TANGO6: variants seen among roughly 807,000 people sequenced by gnomAD.
TANGO6 encodes the protein transport and Golgi organization protein 6 homolog.
TANGO6 carries 90 observed loss-of-function variants against 114.2 expected under a neutral mutation model. That is an observed-to-expected ratio of 0.79 (90% CI 0.66 to 0.94). TANGO6 has a LOEUF of 0.94. Among genes scored for constraint, TANGO6 ranks in the 40% least tolerant of loss-of-function variants. The pLI is 0.00. For missense variants in TANGO6, 1,274 were observed against 1,315.3 expected (o/e 0.97, Z 0.49); for synonymous variants, 477 against 509.8 (o/e 0.94, Z 0.87).
intron 17 of TANGO6, among the ~76,000 whole-genome samples, chr16:69,063,386 G>T (rs1408038549): frequency 1.3e-5 from 2 of 151,992 alleles, no homozygotes; most frequent in Non-Finnish European, 2.9e-5. Context: ...TTAGCCGGGC[G>T]TGATGGCAGG....
intron 14 of TANGO6, among the ~76,000 whole-genome samples, chr16:68,945,118 G>A (rs1198156726): frequency 2.6e-5 from 4 of 152,204 alleles, no homozygotes; most frequent in Admixed American, 6.5e-5. Flanking sequence ...TCCAGCCTGG[G>A]TGACAGGGCG....
chr16:69,028,349 G>A (rs540939679), intron 16 of TANGO6, among the ~76,000 whole-genome samples: 1 of 152,126 alleles, frequency 6.6e-6, no homozygotes, highest in Non-Finnish European at 1.5e-5. Context: ...CACAATTCAG[G>A]CCAGGTGCAG....
chr16:68,888,950 T>C (rs1962575395), intron 7 of TANGO6, among the ~76,000 whole-genome samples: 1 of 152,146 alleles, frequency 6.6e-6, no homozygotes, highest in African/African-American at 2.4e-5. Context: ...TAGCTGGGAT[T>C]ACACCTGGGA....
chr16:68,888,026 T>TC (rs1313521501), intron 7 of TANGO6, among the ~76,000 whole-genome samples: 1 of 152,194 alleles, frequency 6.6e-6, no homozygotes, highest in Non-Finnish European at 1.5e-5. Flanking sequence ...TTCTGATGGC[T>TC]CTGGGGGGCC....
chr16:69,044,663 G>A (rs892770191), intron 17 of TANGO6, among the ~76,000 whole-genome samples: 8 of 152,090 alleles, frequency 5.3e-5, no homozygotes, highest in African/African-American at 1.9e-4. Flanking sequence ...AGATTCCCCA[G>A]TTCTCTCTGC....
intron 14 of TANGO6, among the ~76,000 whole-genome samples, chr16:68,935,290 T>C (rs1963289332): frequency 6.6e-6 from 1 of 152,162 alleles, no homozygotes; most frequent in Admixed American, 6.5e-5. Context: ...GTTTTCCTTT[T>C]TTGAGCTGCC....
chr16:69,043,176 A>G (rs1959798813), intron 17 of TANGO6, among the ~76,000 whole-genome samples: 1 of 152,158 alleles, frequency 6.6e-6, no homozygotes, highest in Non-Finnish European at 1.5e-5. Context: ...CAGTGAGCCA[A>G]GATCGCGCCA....
intron 1 of TANGO6, among the ~76,000 whole-genome samples, chr16:68,854,497 C>G (rs1333972160): frequency 6.6e-6 from 1 of 152,002 alleles, no homozygotes; most frequent in Non-Finnish European, 1.5e-5. Flanking sequence ...AAATTGTTGT[C>G]TACTCTAGGA....
At chr16:68,896,037 CTG>C in intron 7 of TANGO6, among the ~76,000 whole-genome samples, 1 of 152,074 alleles carries the variant, frequency 6.6e-6, no homozygotes, top group Non-Finnish European at 1.5e-5. Context: ...GTGTCTCACT[CTG>C]TCACCCAGGC....
chr16:69,040,257 T>C, intron 16 of TANGO6, 51 bp from the exon 17 acceptor site: 1 of 1,470,592 alleles, frequency 6.8e-7, no homozygotes. Flanking sequence ...AGGTTATAGG[T>C]AATTGTGCAA....
chr16:69,017,459 C>G (rs1959319411), intron 15 of TANGO6, among the ~76,000 whole-genome samples: 1 of 152,058 alleles, frequency 6.6e-6, no homozygotes. Flanking sequence ...CCTTTTCAAC[C>G]TGCAATTTCC....
chr16:69,022,343 TA>T (rs1959422515), intron 15 of TANGO6, among the ~76,000 whole-genome samples: 1 of 152,224 alleles, frequency 6.6e-6, no homozygotes, highest in South Asian at 2.1e-4. Flanking sequence ...ACATCATGAA[TA>T]TTTTTCATAA....
At chr16:68,948,996 G>A (rs376361392) in intron 14 of TANGO6, among the ~76,000 whole-genome samples, 2 of 152,140 alleles carry the variant, frequency 1.3e-5, no homozygotes, top group East Asian at 1.9e-4. Context: ...AGACCAGCCT[G>A]ACCAACATGG....
chr16:68,931,292 G>T (rs1963235838), intron 14 of TANGO6, among the ~76,000 whole-genome samples: 1 of 152,180 alleles, frequency 6.6e-6, no homozygotes, highest in Admixed American at 6.5e-5. Flanking sequence ...TCTGTGAAAA[G>T]GGGACTAAAT....
At chr16:68,915,185 A>AG (rs1962984974) in intron 11 of TANGO6, among the ~76,000 whole-genome samples, 1 of 151,936 alleles carries the variant, frequency 6.6e-6, no homozygotes. Context: ...AAAAAAAAAA[A>AG]AAAAAAAGTG....
chr16:69,008,623 G>A (rs1045134833), intron 15 of TANGO6, among the ~76,000 whole-genome samples: 37 of 151,288 alleles, frequency 2.4e-4, no homozygotes, highest in African/African-American at 9.0e-4. Flanking sequence ...TTTTTGTTTT[G>A]TTTTGTTTTG....
At chr16:68,847,291 TAG>T (rs910993881) in intron 1 of TANGO6, among the ~76,000 whole-genome samples, 3 of 152,200 alleles carry the variant, frequency 2.0e-5, no homozygotes, top group African/African-American at 7.2e-5. Flanking sequence ...CATCATGACC[TAG>T]TATTATTATG....
At chr16:68,939,058 T>G (rs1597029152) in intron 14 of TANGO6, among the ~76,000 whole-genome samples, 1 of 111,772 alleles carries the variant, frequency 8.9e-6, no homozygotes. Flanking sequence ...GGTGACAGAG[T>G]GAGACCCTGT....
rs1471406134 is a variant in TANGO6 at position 69,026,549 on chromosome 16, C to G, written c.2994+3570C>G. 1.9e-5 allele frequency: 3 copies of G among 160,532 alleles called. No homozygotes were observed. In the East Asian group the frequency reaches 5.4e-4, roughly 29 times the overall value. 9.9% of individuals were successfully genotyped at this position (160,532 alleles called of 1,614,324 possible). On this transcript the variant is annotated intron_variant, in intron 16 of 17. Coordinates refer to ENST00000261778, the MANE Select transcript of TANGO6 (RefSeq NM_024562.2). ...GTCATAGCTCGCAGCCTGCATGGAC[C>G]CCTGGGTTGAGGCCATGGGATGTTC... is the stretch of plus-strand genomic sequence containing the variant.
Sources: allele counts gnomAD v4.1 joint callset (sites outside exome capture counted in the v4.1 genomes callset), GRCh38; gene constraint gnomAD v4.1.1; transcripts MANE v1.5; gene names NCBI Gene and HGNC (gene_info 2026-07-23, HGNC 2026-07-21).